Variants in MAF observed in about 807,000 individuals in gnomAD.
MAF encodes the protein MAF bZIP transcription factor, also known as transcription factor Maf.
A neutral mutation model predicts 22.0 loss-of-function variants in MAF; 10 were observed. The ratio of observed to expected loss-of-function variants is 0.45; its 90% CI spans 0.28 to 0.77. The LOEUF is 0.77. MAF is among the 30% of genes least tolerant of loss of function. The pLI, the probability that MAF is intolerant of heterozygous loss-of-function variation, is 0.12. For missense variants in MAF, 544 were observed against 548.4 expected (o/e 0.99, Z 0.08); for synonymous variants, 337 against 255.8 (o/e 1.32, Z -3.03).
At chr16:79,513,739 T>C in the MAF span, among the ~76,000 whole-genome samples, 30 of 152,192 alleles carry the variant, frequency 2.0e-4, no homozygotes, top group African/African-American at 7.2e-4. Flanking sequence ...ATGAAACATA[T>C]GTTTAAAAGC....
At chr16:79,545,496 G>T in the MAF span, among the ~76,000 whole-genome samples, 4 of 150,002 alleles carry the variant, frequency 2.7e-5, no homozygotes, top group African/African-American at 9.8e-5. Context: ...TGGACCCCAT[G>T]CAGAATTCCA....
the MAF span, among the ~76,000 whole-genome samples, chr16:79,304,571 A>G: frequency 6.6e-6 from 1 of 152,184 alleles, no homozygotes. Context: ...TTGGAGACAA[A>G]AGGAACAAAA....
the MAF span, among the ~76,000 whole-genome samples, chr16:79,241,268 C>G: frequency 1.3e-5 from 2 of 152,002 alleles, no homozygotes; most frequent in African/African-American, 4.8e-5. Context: ...ATGTTCTAAC[C>G]CAACGCAAGG....
the MAF span, among the ~76,000 whole-genome samples, chr16:79,549,227 C>T: frequency 4.0e-5 from 6 of 149,770 alleles, no homozygotes; most frequent in Non-Finnish European, 7.5e-5. Context: ...GCAGTCATGG[C>T]GTGCCCAACA....
the MAF span, among the ~76,000 whole-genome samples, chr16:79,568,668 G>A: frequency 6.6e-6 from 1 of 152,090 alleles, no homozygotes; most frequent in South Asian, 2.1e-4. Context: ...TGTTATTTTT[G>A]CTGCTGTTCC....
chr16:79,214,072 C>G, the MAF span, among the ~76,000 whole-genome samples: 1 of 152,158 alleles, frequency 6.6e-6, no homozygotes, highest in Non-Finnish European at 1.5e-5. Flanking sequence ...CTTCCAGAAA[C>G]CAGCATGCCT....
chr16:79,261,204 G>A, the MAF span, among the ~76,000 whole-genome samples: 3 of 152,134 alleles, frequency 2.0e-5, no homozygotes, highest in Non-Finnish European at 4.4e-5. Flanking sequence ...CCAGGCTGGA[G>A]TACAATGGCA....
chr16:79,478,917 T>G, the MAF span, among the ~76,000 whole-genome samples: 1 of 151,132 alleles, frequency 6.6e-6, no homozygotes, highest in Admixed American at 6.6e-5. Flanking sequence ...CTTCTATATC[T>G]TAGTGCACCT....
At chr16:79,341,415 G>T in the MAF span, among the ~76,000 whole-genome samples, 1 of 152,200 alleles carries the variant, frequency 6.6e-6, no homozygotes, top group African/African-American at 2.4e-5. Flanking sequence ...ACCAGCTCCT[G>T]AGAGCTGACT....
At chr16:79,400,302 T>C in the MAF span, among the ~76,000 whole-genome samples, 21 of 152,326 alleles carry the variant, frequency 1.4e-4, no homozygotes, top group African/African-American at 4.8e-4. Context: ...AGATCAACCA[T>C]TTATTTTCAA....
the MAF span, among the ~76,000 whole-genome samples, chr16:79,293,370 T>C: frequency 0.13 from 19,966 of 152,188 alleles, 1,362 homozygotes; most frequent in Middle Eastern, 0.21. Context: ...TTGAAACAAA[T>C]GGAATTATTT....
the MAF span, among the ~76,000 whole-genome samples, chr16:79,378,881 G>C: frequency 2.0e-5 from 3 of 152,108 alleles, no homozygotes; most frequent in East Asian, 5.8e-4. Context: ...GATTTCTTCA[G>C]CTTAAAGTCT....
chr16:79,368,847 G>C, the MAF span, among the ~76,000 whole-genome samples: 3 of 151,974 alleles, frequency 2.0e-5, no homozygotes, highest in Non-Finnish European at 2.9e-5. Flanking sequence ...TTGACCTCTA[G>C]TTCCAATTTA....
the MAF span, among the ~76,000 whole-genome samples, chr16:79,446,412 A>G: frequency 6.6e-6 from 1 of 152,124 alleles, no homozygotes; most frequent in Non-Finnish European, 1.5e-5. Flanking sequence ...GCCCCAGGTT[A>G]CACCTGTTGT....
At chr16:79,516,280 A>G in the MAF span, 1 of 152,128 alleles carries the variant, frequency 6.6e-6, no homozygotes, top group African/African-American at 2.4e-5. Context: ...TTCCCCCAAG[A>G]CTTACATTTT....
At chr16:79,314,414 G>A in the MAF span, among the ~76,000 whole-genome samples, 2 of 152,240 alleles carry the variant, frequency 1.3e-5, no homozygotes, top group South Asian at 4.2e-4. Flanking sequence ...ATGGAAGTCT[G>A]GGTCTGCGAT....
chr16:79,407,258 T>G, the MAF span, among the ~76,000 whole-genome samples: 1 of 152,034 alleles, frequency 6.6e-6, no homozygotes, highest in Non-Finnish European at 1.5e-5. Context: ...TTAACCCACC[T>G]CCAGACGGGG....
At chr16:79,502,708 A>AATATATAAAT in the MAF span, among the ~76,000 whole-genome samples, 1 of 34,008 alleles carries the variant, frequency 2.9e-5, no homozygotes, top group African/African-American at 9.0e-5. Context: ...TATAAATATA[A>AATATATAAAT]ATATATATAT....
the MAF span, among the ~76,000 whole-genome samples, chr16:79,424,010 G>C: frequency 6.6e-6 from 1 of 152,124 alleles, no homozygotes; most frequent in African/African-American, 2.4e-5. Context: ...AATGAAAACA[G>C]TTCTTATTTC....
Sources: allele counts gnomAD v4.1 joint callset (sites outside exome capture counted in the v4.1 genomes callset), GRCh38; gene constraint gnomAD v4.1.1; transcripts MANE v1.5; gene names NCBI Gene and HGNC (gene_info 2026-07-23, HGNC 2026-07-21).